ALPI: variants seen among roughly 807,000 people sequenced by gnomAD.
The protein encoded by ALPI is intestinal-type alkaline phosphatase.
A neutral mutation model predicts 51.5 loss-of-function variants in ALPI; 50 were observed. The ratio of observed to expected loss-of-function variants is 0.97; its 90% CI spans 0.77 to 1.23. ALPI has a LOEUF of 1.23. Ranked by LOEUF, ALPI falls within the 50% of genes most tolerant of loss-of-function variation. ALPI has a pLI of 0.00. For missense variants in ALPI, 692 were observed against 722.4 expected (o/e 0.96, Z 0.48); for synonymous variants, 322 against 308.2 (o/e 1.04, Z -0.47).
Position 232,459,226 on chromosome 2 carries a change from G to GA in ALPI, c.*82dup. Reference sequence around the variant, plus strand: ...CCCGTCCTGAGCCGCCACTTCCAGCGAACACACACAGGTGTCCTGCCGTTG... The same window carrying GA: ...CCCGTCCTGAGCCGCCACTTCCAGCGAAACACACACAGGTGTCCTGCCGTTG... On this transcript the variant is annotated 3_prime_UTR_variant, in exon 11 of 11. Transcript: ENST00000295463. 1 of 1,467,456 alleles carries GA rather than the reference G, an allele frequency of 6.8e-7. No individual in the cohort carries two copies. Among genetic ancestry groups the GA allele is most frequent in the Admixed American group, 2.3e-5 (1 of 44,114 alleles). 90.9% of individuals were successfully genotyped at this position (1,467,456 alleles called of 1,614,324 possible).
Position 232,456,876 on chromosome 2 carries a change from G to T in ALPI, c.301-23G>T. The T allele has an allele frequency of 6.2e-7, 1 of 1,612,728 alleles. No individual in the cohort carries two copies. The highest frequency in any genetic ancestry group is 1.1e-5 in the South Asian group (1 of 91,066). ...GTCTGGGTGTCCGCCCCGAAGTAGA[G>T]CTCAGGGTGTCTCCGTTCGCAGACA... On this transcript the variant is annotated intron_variant, in intron 3 of 10. Transcript: ENST00000295463. This position sits in a 1 kb window ranked among gnomAD's most constrained non-coding sequence, Gnocchi z 4.2.
rs1690267639 is a variant in ALPI, at chr2:232,459,214, G to T, written c.*68G>T. Reference sequence around the variant, plus strand: ...CCTGCCCTGTTCCCCGTCCTGAGCCGCCACTTCCAGCGAACACACACAGGT... The same window carrying T: ...CCTGCCCTGTTCCCCGTCCTGAGCCTCCACTTCCAGCGAACACACACAGGT... On this transcript the variant is annotated 3_prime_UTR_variant, in exon 11 of 11. Coordinates refer to ENST00000295463, the MANE Select transcript of ALPI (RefSeq NM_001631.5). 6.8e-7 allele frequency: 1 copy of T among 1,474,456 alleles called. No homozygotes were observed. 91.3% of individuals were successfully genotyped at this position (1,474,456 alleles called of 1,614,324 possible).
chr2:232,456,217 G>A lies in ALPI; in HGVS notation c.18G>A (p.Val6=). The change falls in exon 1 of 11, where the codon GTG becomes GTA. Residue 6 remains valine, a synonymous_variant. Coordinates refer to ENST00000295463, the MANE Select transcript of ALPI (RefSeq NM_001631.5). The surrounding 1 kb of genome is among the most constrained non-coding windows in gnomAD (Gnocchi z 4.2). MQGPW[V]LLLLGLRLQL... ...CCCAAGACATGCAGGGGCCCTGGGT[G>A]CTGCTGCTGCTGGGCCTGAGGCTAC... is the stretch of plus-strand genomic sequence containing the variant. 6.2e-7 allele frequency: 1 copy of A among 1,612,588 alleles called. No homozygotes were observed. The highest frequency in any genetic ancestry group is 8.5e-7 in the Non-Finnish European group (1 of 1,179,168).
Position 232,456,255 on chromosome 2 carries a change from G to A in ALPI, c.56G>A (p.Gly19Asp). 2 of 1,614,022 alleles carry A rather than the reference G, an allele frequency of 1.2e-6. No individual in the cohort carries two copies. The highest frequency in any genetic ancestry group is 1.7e-4 in the Middle Eastern group (1 of 6,040). The change falls in exon 1 of 11, where the codon GGC becomes GAC. Residue 19 changes from glycine to aspartate, a missense_variant. Transcript: ENST00000295463. The surrounding 1 kb of genome is among the most constrained non-coding windows in gnomAD (Gnocchi z 4.2). ...LLGLRLQLSLGVIPAEEENPA... is the reference protein window; with the variant it reads ...LLGLRLQLSLDVIPAEEENPA... Reference sequence around the variant, plus strand: ...GGCCTGAGGCTACAGCTCTCCCTGGGCGTCATCCCAGGTAATGAGGCTCCC... The same window carrying A: ...GGCCTGAGGCTACAGCTCTCCCTGGACGTCATCCCAGGTAATGAGGCTCCC...
rs776448597 is a variant in ALPI at position 232,457,948 on chromosome 2, A to T, written c.857-50A>T. ...CGAGCCTGTGTGCCCATTTGCCAGCACCCTCCCGCTCACAGCCTGCCAATC... is the reference window on the plus strand; with the variant it reads ...CGAGCCTGTGTGCCCATTTGCCAGCTCCCTCCCGCTCACAGCCTGCCAATC... On this transcript the variant is annotated intron_variant, in intron 7 of 10. Coordinates refer to ENST00000295463, the MANE Select transcript of ALPI (RefSeq NM_001631.5). The surrounding 1 kb of genome is among the most constrained non-coding windows in gnomAD (Gnocchi z 4.7). 3 of 1,611,030 alleles carry T rather than the reference A, an allele frequency of 1.9e-6. No individual in the cohort carries two copies. Among genetic ancestry groups the T allele is most frequent in the Non-Finnish European group, 2.5e-6 (3 of 1,178,532 alleles).
At position 232,459,472 on chromosome 2, in the gene ALPI, A is replaced by C; in HGVS notation, c.*326A>C. 3.0e-6 allele frequency: 1 copy of C among 333,500 alleles called. No homozygotes were observed. The allele number at this position is 333,500 out of a possible 1,614,324, so 20.7% of individuals were successfully genotyped here. A position where few individuals can be genotyped will look rare whatever the true frequency, so the allele number is the denominator to read the frequency against. On this transcript the variant is annotated 3_prime_UTR_variant, in exon 11 of 11. Transcript: ENST00000295463. ...GCACCCCAGACAATAAAGGGACCAA[A>C]ACCACCCAACCCCCACCCTGCCTCT... is the stretch of plus-strand genomic sequence containing the variant.
rs1690227402 is a variant in ALPI at position 232,457,942 on chromosome 2, G to T, written c.857-56G>T. On this transcript the variant is annotated intron_variant, in intron 7 of 10. Coordinates refer to ENST00000295463, the MANE Select transcript of ALPI (RefSeq NM_001631.5). This position sits in a 1 kb window ranked among gnomAD's most constrained non-coding sequence, Gnocchi z 4.7. ...GCCATCCGAGCCTGTGTGCCCATTT[G>T]CCAGCACCCTCCCGCTCACAGCCTG... is the stretch of plus-strand genomic sequence containing the variant. The T allele has an allele frequency of 5.0e-6, 8 of 1,612,034 alleles. No homozygotes were observed. Among genetic ancestry groups the T allele is most frequent in the South Asian group, 2.2e-5 (2 of 90,816 alleles).
rs767122676 is a variant in ALPI, at chr2:232,458,219, G to A, written c.994G>A (p.Gly332Ser). ...PRGFYLFVEG[G>S]RIDHGHHEGV... ...ACCCCCCTCTGGCCTTCCTGCAGGC[G>A]GCCGCATCGACCATGGTCATCATGA... The change falls in exon 9 of 11, where the codon GGC (glycine) becomes AGC (serine). Residue 332 changes from glycine to serine, a missense_variant and splice_region_variant. By Grantham distance (56) the Gly-to-Ser change is moderately conservative (BLOSUM62 0). Coordinates refer to ENST00000295463, the MANE Select transcript of ALPI (RefSeq NM_001631.5). 3.7e-5 allele frequency: 60 copies of A among 1,614,068 alleles called. No homozygotes were observed. The highest frequency in any genetic ancestry group is 2.0e-4 in the East Asian group (9 of 44,872).
rs1559264366 is a variant in ALPI, at chr2:232,457,807, G to A, written c.796G>A (p.Val266Met). The A allele has an allele frequency of 1.9e-6, 3 of 1,613,940 alleles. No homozygotes were observed. The African/African-American group carries it at 4.0e-5, about 22-fold the overall frequency. Reference sequence around the variant, plus strand: ...TCTGTCCCTGCAGGGTGCCTGGTATGTGTGGAACCGCACTGAGCTCATGCA... The same window carrying A: ...TCTGTCCCTGCAGGGTGCCTGGTATATGTGGAACCGCACTGAGCTCATGCA... ...WLAKHQGAWY[V>M]WNRTELMQAS... The change falls in exon 7 of 11, where the codon GTG becomes ATG. Residue 266 changes from valine to methionine, a missense_variant. Val to Met is a conservative substitution (Grantham distance 21). Coordinates refer to ENST00000295463, the MANE Select transcript of ALPI (RefSeq NM_001631.5). The surrounding 1 kb of genome is among the most constrained non-coding windows in gnomAD (Gnocchi z 4.7).
rs1293654687 is a variant in ALPI at position 232,458,351 on chromosome 2, G to T, written c.1126G>T (p.Asp376Tyr). The change falls in exon 9 of 11, where the codon GAC becomes TAC. Residue 376 changes from aspartate to tyrosine, a missense_variant. Coordinates refer to ENST00000295463, the MANE Select transcript of ALPI (RefSeq NM_001631.5). ...GGACACGCTGACCCTCGTCACCGCT[G>T]ACCACTCCCATGTCTTCTCCTTTGG... ...EEDTLTLVTA[D>Y]HSHVFSFGGY... 1 of 1,614,094 alleles carries T rather than the reference G, an allele frequency of 6.2e-7. No individual in the cohort carries two copies. The highest frequency in any genetic ancestry group is 8.5e-7 in the Non-Finnish European group (1 of 1,180,018).
rs553121411 is a variant in ALPI, at chr2:232,456,425, C to T, written c.144C>T (p.Ile48=). ...ALDAAKKLQP[I]QKVAKNLILF... ...ATGCTGCCAAGAAGCTGCAGCCCAT[C>T]CAGAAGGTCGCCAAGAACCTCATCC... The change falls in exon 2 of 11, where the codon ATC becomes ATT. Residue 48 remains isoleucine, a synonymous_variant. Coordinates refer to ENST00000295463, the MANE Select transcript of ALPI (RefSeq NM_001631.5). The surrounding 1 kb of genome is among the most constrained non-coding windows in gnomAD (Gnocchi z 4.2). 6.2e-7 allele frequency: 1 copy of T among 1,614,052 alleles called. No homozygotes were observed. Among genetic ancestry groups the T allele is most frequent in the African/African-American group, 1.3e-5 (1 of 75,024 alleles).
rs1447544237 is a variant in ALPI, at chr2:232,459,212, C to T, written c.*66C>T. On this transcript the variant is annotated 3_prime_UTR_variant, in exon 11 of 11. Transcript: ENST00000295463. ...GTCCTGCCCTGTTCCCCGTCCTGAG[C>T]CGCCACTTCCAGCGAACACACACAG... 1.4e-6 allele frequency: 2 copies of T among 1,477,628 alleles called. No homozygotes were observed. Among genetic ancestry groups the T allele is most frequent in the African/African-American group, 1.4e-5 (1 of 71,626 alleles). The allele number at this position is 1,477,628 out of a possible 1,614,324, so 91.5% of individuals were successfully genotyped here.
chr2:232,456,175 G>A lies in ALPI; in HGVS notation c.-25G>A, dbSNP rs3762519. The A allele has an allele frequency of 0.086, 138,560 of 1,611,592 alleles. 6,209 individuals are homozygous for A. The highest frequency in any genetic ancestry group is 0.12 in the Middle Eastern group (583 of 5,016). On this transcript the variant is annotated 5_prime_UTR_variant, in exon 1 of 11. Coordinates refer to ENST00000295463, the MANE Select transcript of ALPI (RefSeq NM_001631.5). The surrounding 1 kb of genome is among the most constrained non-coding windows in gnomAD (Gnocchi z 4.2). ...AGCCGGTTCCTGGTGTCCCCACTTC[G>A]CCTCCCTCCTGCTGCCCCCAAGACA...
At chr2:232,458,187 A>G (rs1309690216) in intron 8 of ALPI, 30 bp from the exon 9 acceptor site, 1 of 1,613,576 alleles carries the variant, frequency 6.2e-7, no homozygotes, top group East Asian at 2.2e-5. Flanking sequence ...GGGCAGGTTC[A>G]AGCATCACCC....
chr2:232,457,808 T>C lies in ALPI; in HGVS notation c.797T>C (p.Val266Ala). Reference sequence around the variant, plus strand: ...CTGTCCCTGCAGGGTGCCTGGTATGTGTGGAACCGCACTGAGCTCATGCAG... The same window carrying C: ...CTGTCCCTGCAGGGTGCCTGGTATGCGTGGAACCGCACTGAGCTCATGCAG... ...WLAKHQGAWY[V>A]WNRTELMQAS... Residue 266 changes from valine (V) to alanine (A), a missense_variant, in exon 7 of 11, where the codon GTG (valine) becomes GCG (alanine). Transcript: ENST00000295463. This position sits in a 1 kb window ranked among gnomAD's most constrained non-coding sequence, Gnocchi z 4.7. 6.2e-7 allele frequency: 1 copy of C among 1,614,054 alleles called. No individual in the cohort carries two copies. The highest frequency in any genetic ancestry group is 8.5e-7 in the Non-Finnish European group (1 of 1,179,974).
Position 232,457,484 on chromosome 2 carries a change from G to A in ALPI, c.649-81G>A, listed in dbSNP as rs1690218066. ...TGGGCCATTCCCACAGCCCTGGGGAGGGGAGCCAGGGGCTATGCATGAGGA... is the reference window on the plus strand; with the variant it reads ...TGGGCCATTCCCACAGCCCTGGGGAAGGGAGCCAGGGGCTATGCATGAGGA... On this transcript the variant is annotated intron_variant, in intron 5 of 10. Coordinates refer to ENST00000295463, the MANE Select transcript of ALPI (RefSeq NM_001631.5). This position sits in a 1 kb window ranked among gnomAD's most constrained non-coding sequence, Gnocchi z 4.7. 1.3e-6 allele frequency: 2 copies of A among 1,546,338 alleles called. No individual in the cohort carries two copies. The highest frequency in any genetic ancestry group is 2.0e-5 in the Admixed American group (1 of 50,910).
In ALPI at chr2:232,457,476, C is replaced by G; in HGVS notation, c.649-89C>G. On this transcript the variant is annotated intron_variant, in intron 5 of 10. Transcript: ENST00000295463. This position sits in a 1 kb window ranked among gnomAD's most constrained non-coding sequence, Gnocchi z 4.7. ...ATACAGGCTGGGCCATTCCCACAGC[C>G]CTGGGGAGGGGAGCCAGGGGCTATG... The G allele has an allele frequency of 1.3e-6, 2 of 1,547,276 alleles. No individual in the cohort carries two copies. The highest frequency in any genetic ancestry group is 1.7e-6 in the Non-Finnish European group (2 of 1,148,374).
chr2:232,456,462 G>T lies in ALPI; in HGVS notation c.181G>T (p.Asp61Tyr), dbSNP rs774242869. ...VAKNLILFLGDGLGVPTVTAT... is the reference protein window; with the variant it reads ...VAKNLILFLGYGLGVPTVTAT... ...CAAGAACCTCATCCTCTTCCTGGGC[G>T]ATGGTGAGTGAGCAAGGCCTGTCCA... Residue 61 changes from aspartate (D) to tyrosine (Y), a missense_variant, in exon 2 of 11, where the codon GAT becomes TAT. Transcript: ENST00000295463. This position sits in a 1 kb window ranked among gnomAD's most constrained non-coding sequence, Gnocchi z 4.2. 1.9e-6 allele frequency: 3 copies of T among 1,614,014 alleles called. No homozygotes were observed. The highest frequency in any genetic ancestry group is 1.1e-5 in the South Asian group (1 of 91,086).
Position 232,456,457 on chromosome 2 carries a change from T to C in ALPI, c.176T>C (p.Leu59Pro). 1 of 1,614,048 alleles carries C rather than the reference T, an allele frequency of 6.2e-7. No individual in the cohort carries two copies. Among genetic ancestry groups the C allele is most frequent in the African/African-American group, 1.3e-5 (1 of 75,040 alleles). The change falls in exon 2 of 11, where the codon CTG becomes CCG. Residue 59 changes from leucine to proline, a missense_variant. Transcript: ENST00000295463. The surrounding 1 kb of genome is among the most constrained non-coding windows in gnomAD (Gnocchi z 4.2). ...QKVAKNLILF[L>P]GDGLGVPTVT... is the part of the protein sequence containing the mutation. ...GTCGCCAAGAACCTCATCCTCTTCC[T>C]GGGCGATGGTGAGTGAGCAAGGCCT... is the stretch of plus-strand genomic sequence containing the variant.
Sources: gnomAD v4.1 joint callset for allele counts on GRCh38, gnomAD v4.1.1 for gene constraint, Gnocchi (gnomAD v3.1) non-coding constraint, MANE v1.5 for transcripts, NCBI Gene and HGNC (gene_info 2026-07-23, HGNC 2026-07-21) for gene names.